The following LGSN variants were observed in gnomAD, a reference collection of about 807,000 sequenced individuals.
The protein encoded by LGSN is lengsin, lens protein with glutamine synthetase domain.
In LGSN, 21 loss-of-function variants were observed where a neutral mutation model predicts 19.5. The observed-to-expected ratio is 1.07, with a 90% confidence interval of 0.76 to 1.55. The LOEUF (loss-of-function observed/expected upper bound fraction) is 1.55. Among genes scored for constraint, LGSN ranks in the 40% most tolerant of loss-of-function variants. The pLI is 0.00. For missense variants in LGSN, 673 were observed against 608.5 expected (o/e 1.11, Z -1.12); for synonymous variants, 257 against 215.6 (o/e 1.19, Z -1.68).
the LGSN span, among the ~76,000 whole-genome samples, chr6:63,355,256 A>T: frequency 5.5e-5 from 8 of 144,686 alleles, no homozygotes; most frequent in South Asian, 2.1e-4. Context: ...GTATCAATTT[A>T]AAAAAAAATG....
the LGSN span, among the ~76,000 whole-genome samples, chr6:63,420,168 A>C: frequency 1.0e-4 from 15 of 150,042 alleles, no homozygotes; most frequent in Non-Finnish European, 2.1e-4. Context: ...GCACCACTGC[A>C]CTCCAGCGGA....
chr6:63,379,283 G>A, the LGSN span, among the ~76,000 whole-genome samples: 2 of 152,100 alleles, frequency 1.3e-5, no homozygotes, highest in Non-Finnish European at 2.9e-5. Flanking sequence ...ACAGAACCAA[G>A]AGAAGGGGAT....
At chr6:63,476,640 A>G in the LGSN span, among the ~76,000 whole-genome samples, 7 of 152,280 alleles carry the variant, frequency 4.6e-5, no homozygotes, top group African/African-American at 1.7e-4. Context: ...CTCACTCAGC[A>G]GCTGCTAGAC....
At chr6:63,484,408 C>A in the LGSN span, among the ~76,000 whole-genome samples, 1 of 151,686 alleles carries the variant, frequency 6.6e-6, no homozygotes. Flanking sequence ...TCTATAGTCC[C>A]AGCTACTCAG....
chr6:63,360,424 T>A, the LGSN span, among the ~76,000 whole-genome samples: 4 of 152,236 alleles, frequency 2.6e-5, no homozygotes, highest in Admixed American at 2.6e-4. Context: ...TCTTCCATCC[T>A]GATACCCTTT....
the LGSN span, among the ~76,000 whole-genome samples, chr6:63,465,722 T>G: frequency 2.0e-5 from 3 of 152,192 alleles, no homozygotes; most frequent in African/African-American, 7.2e-5. Context: ...GAACCCATTA[T>G]TAAACTTTCA....
At chr6:63,480,004 T>C in the LGSN span, 2 of 152,308 alleles carry the variant, frequency 1.3e-5, no homozygotes, top group African/African-American at 2.4e-5. Context: ...GGGCCTTTTC[T>C]CTAAGGTCAT....
At chr6:63,412,553 A>G in the LGSN span, among the ~76,000 whole-genome samples, 195 of 138,998 alleles carry the variant, frequency 1.4e-3, 6 homozygotes, top group African/African-American at 5.7e-3. Context: ...AAAGAAAGAA[A>G]GAAAGAAAGA....
At chr6:63,381,887 T>C in the LGSN span, among the ~76,000 whole-genome samples, 77 of 152,308 alleles carry the variant, frequency 5.1e-4, no homozygotes, top group East Asian at 0.013. Flanking sequence ...TAGTTGAATG[T>C]CAACAAAAAG....
chr6:63,476,928 G>T, the LGSN span, among the ~76,000 whole-genome samples: 1 of 152,114 alleles, frequency 6.6e-6, no homozygotes, highest in African/African-American at 2.4e-5. Context: ...CCTTTCTTAT[G>T]TTACTCTTCC....
At chr6:63,336,601 T>C in the LGSN span, among the ~76,000 whole-genome samples, 1 of 150,808 alleles carries the variant, frequency 6.6e-6, no homozygotes, top group Non-Finnish European at 1.5e-5. Context: ...AGTTCCTATG[T>C]ATAGATTATA....
At chr6:63,411,536 T>C in the LGSN span, among the ~76,000 whole-genome samples, 1 of 152,178 alleles carries the variant, frequency 6.6e-6, no homozygotes, top group Non-Finnish European at 1.5e-5. Flanking sequence ...TGAGGCCTTA[T>C]GAAGTGCTTA....
the LGSN span, among the ~76,000 whole-genome samples, chr6:63,463,201 C>T: frequency 6.6e-6 from 1 of 152,156 alleles, no homozygotes; most frequent in Non-Finnish European, 1.5e-5. Flanking sequence ...GTGCCTACCT[C>T]ATAGAGTTGT....
the LGSN span, among the ~76,000 whole-genome samples, chr6:63,497,023 G>A: frequency 1.3e-5 from 2 of 151,948 alleles, no homozygotes; most frequent in Admixed American, 1.3e-4. Flanking sequence ...TTTAGTGATA[G>A]GGTCTCACTC....
chr6:63,480,968 T>C, the LGSN span, among the ~76,000 whole-genome samples: 1 of 32,018 alleles, frequency 3.1e-5, no homozygotes, highest in Non-Finnish European at 8.1e-5. Flanking sequence ...TATATATATA[T>C]ATATATATAT....
chr6:63,461,307 C>T, the LGSN span, among the ~76,000 whole-genome samples: 253 of 152,312 alleles, frequency 1.7e-3, no homozygotes, highest in Non-Finnish European at 1.5e-3. Flanking sequence ...CCACCTCAGC[C>T]TTCCACGGTG....
chr6:63,531,317 G>A, the LGSN span, among the ~76,000 whole-genome samples: 5 of 152,086 alleles, frequency 3.3e-5, no homozygotes, highest in African/African-American at 4.8e-5. Flanking sequence ...CGATTTGTGA[G>A]GCCTGTAACA....
the LGSN span, among the ~76,000 whole-genome samples, chr6:63,529,633 T>A: frequency 0.015 from 2,264 of 152,292 alleles, 49 homozygotes; most frequent in African/African-American, 0.051. Context: ...CTCAAAAGCT[T>A]GGTTTGAGCA....
upstream of LGSN, among the ~76,000 whole-genome samples, chr6:63,324,575 C>G (rs1769186508): frequency 6.6e-6 from 1 of 152,060 alleles, no homozygotes; most frequent in Non-Finnish European, 1.5e-5. Context: ...TTTTATCAGA[C>G]TCCAATTAAA....
Sources: allele counts gnomAD v4.1 joint callset (sites outside exome capture counted in the v4.1 genomes callset), GRCh38; gene constraint gnomAD v4.1.1; transcripts MANE v1.5; gene names NCBI Gene and HGNC (gene_info 2026-07-23, HGNC 2026-07-21).